The following APAF1 variants were observed in gnomAD, a reference collection of about 807,000 sequenced individuals.
APAF1 encodes apoptotic protease-activating factor 1.
A neutral mutation model predicts 152.4 loss-of-function variants in APAF1; 91 were observed. That is an observed-to-expected ratio of 0.60 (90% CI 0.50 to 0.71). The LOEUF is 0.71. APAF1 is among the 30% of genes least tolerant of loss of function. The pLI is 0.00. For missense variants in APAF1, 1,283 were observed against 1,472.0 expected (o/e 0.87, Z 2.10); for synonymous variants, 484 against 494.1 (o/e 0.98, Z 0.27).
intron 16 of APAF1, among the ~76,000 whole-genome samples, chr12:98,693,066 A>T (rs1405487755): frequency 1.8e-5 from 2 of 110,284 alleles, no homozygotes; most frequent in Non-Finnish European, 3.8e-5. Flanking sequence ...TTTTTTGACT[A>T]AAAAAAAAAA....
intron 12 of APAF1, among the ~76,000 whole-genome samples, chr12:98,672,258 G>A (rs545200054): frequency 1.1e-3 from 164 of 152,066 alleles, no homozygotes; most frequent in Non-Finnish European, 1.9e-3. Context: ...TCTGCCTCCC[G>A]GATTCAAACG....
At chr12:98,676,944 T>G (rs1363239284) in intron 12 of APAF1, among the ~76,000 whole-genome samples, 3 of 152,222 alleles carry the variant, frequency 2.0e-5, no homozygotes, top group African/African-American at 7.2e-5. Context: ...TGCGCCTGGC[T>G]GAGAAGAGCA....
chr12:98,712,429 C>T lies in APAF1; in HGVS notation c.2952C>T (p.Ala984=), dbSNP rs148854272. 3.5e-4 allele frequency: 546 copies of T among 1,566,434 alleles called. 1 individual carries two copies. In the African/African-American group the frequency reaches 6.7e-3, roughly 19 times the overall value. ...QYIAFGDENG[A]IEILELVNNR... ...TTGCATTTGGAGATGAAAATGGAGC[C>T]ATTGAGGTATTCAGTGCTAGTCTTC... The change falls in exon 21 of 27, where the codon GCC becomes GCT. Residue 984 remains alanine (A), a synonymous_variant. Coordinates refer to ENST00000551964, the MANE Select transcript of APAF1 (RefSeq NM_181861.2).
intron 7 of APAF1, 94 bp from the exon 8 acceptor site, chr12:98,665,459 A>C: frequency 1.1e-6 from 1 of 872,420 alleles, no homozygotes; most frequent in South Asian, 1.3e-5. Context: ...CATGCAGCAG[A>C]AATTGTTTCT....
rs143246247 is a variant in APAF1 at position 98,712,339 on chromosome 12, T to G, written c.2862T>G (p.Gly954=). The stretch of plus-strand genomic sequence containing the variant: ...ATTAGCTCATTAATGGAAGAACAGG[T>G]CAGATTGATTATCTGACTGAAGCTC... The part of the protein sequence containing the change: ...RRLQLINGRT[G]QIDYLTEAQV... Residue 954 remains glycine, a synonymous_variant, in exon 21 of 27, where the codon GGT becomes GGG. Coordinates refer to ENST00000551964, the MANE Select transcript of APAF1 (RefSeq NM_181861.2). The G allele has an allele frequency of 6.0e-5, 97 of 1,611,226 alleles. No homozygotes were observed. The highest frequency in any genetic ancestry group is 7.8e-5 in the Non-Finnish European group (92 of 1,177,616).
At chr12:98,721,290 C>G (rs1428204809) in intron 22 of APAF1, among the ~76,000 whole-genome samples, 2 of 152,192 alleles carry the variant, frequency 1.3e-5, no homozygotes, top group African/African-American at 4.8e-5. Context: ...TTTGTTATAT[C>G]TGCTCCAGAA....
chr12:98,690,613 A>G (rs1011628172), intron 16 of APAF1, among the ~76,000 whole-genome samples: 9 of 152,196 alleles, frequency 5.9e-5, no homozygotes, highest in Non-Finnish European at 1.0e-4. Context: ...AATGTTCAAG[A>G]AAGCTGTAAA....
At chr12:98,684,515 CT>C (rs1330303787) in intron 15 of APAF1, among the ~76,000 whole-genome samples, 13 of 147,508 alleles carry the variant, frequency 8.8e-5, no homozygotes, top group African/African-American at 1.3e-4. Flanking sequence ...CCCACCCCCC[CT>C]CTCATTCTCT....
chr12:98,668,060 AG>A (rs2153318486), intron 10 of APAF1, among the ~76,000 whole-genome samples: 1 of 152,312 alleles, frequency 6.6e-6, no homozygotes, highest in South Asian at 2.1e-4. Flanking sequence ...TTAGGAGTAC[AG>A]GCATGAGCCA....
intron 14 of APAF1, among the ~76,000 whole-genome samples, chr12:98,681,192 G>C (rs190985571): frequency 1.3e-5 from 2 of 152,210 alleles, no homozygotes; most frequent in African/African-American, 4.8e-5. Flanking sequence ...CTCTTGAGTA[G>C]CTGAGATCAC....
At chr12:98,656,035 G>A (rs1303134359) in intron 4 of APAF1, among the ~76,000 whole-genome samples, 1 of 151,888 alleles carries the variant, frequency 6.6e-6, no homozygotes, top group Non-Finnish European at 1.5e-5. Flanking sequence ...CGCCCACCTC[G>A]GCCTCCCAAA....
intron 22 of APAF1, among the ~76,000 whole-genome samples, chr12:98,721,765 T>A (rs1469495811): frequency 1.3e-5 from 2 of 152,168 alleles, no homozygotes; most frequent in Non-Finnish European, 2.9e-5. Context: ...AAGCCAGGGC[T>A]TGTTGGGGAG....
Position 98,708,403 on chromosome 12 carries a change from T to G in APAF1, c.2722-182T>G, listed in dbSNP as rs1231593018. Among the ~76,000 whole-genome samples the G allele has an allele frequency of 2.0e-5, 3 of 152,268 alleles. No homozygotes were observed. In the East Asian group the frequency reaches 5.8e-4, roughly 29 times the overall value. On this transcript the variant is annotated intron_variant, in intron 19 of 26. Coordinates refer to ENST00000551964, the MANE Select transcript of APAF1 (RefSeq NM_181861.2). The stretch of plus-strand genomic sequence containing the variant: ...ATTTTGGCTCTGGAGCCCATAACTC[T>G]TAATACTAACTGCATCTTACTATAG...
At chr12:98,663,117 T>A (rs2097667692) in intron 7 of APAF1, among the ~76,000 whole-genome samples, 1 of 152,222 alleles carries the variant, frequency 6.6e-6, no homozygotes. Context: ...AAACTTGTTT[T>A]TGCTTGGGAT....
At chr12:98,696,034 C>T (rs2097709498) in intron 16 of APAF1, among the ~76,000 whole-genome samples, 1 of 152,168 alleles carries the variant, frequency 6.6e-6, no homozygotes, top group Non-Finnish European at 1.5e-5. Context: ...TTTCCTTCGC[C>T]TTGTGGATTA....
At chr12:98,660,050 A>G (rs2097663034) in intron 5 of APAF1, among the ~76,000 whole-genome samples, 1 of 151,876 alleles carries the variant, frequency 6.6e-6, no homozygotes, top group East Asian at 1.9e-4. Context: ...GGCAACTGAT[A>G]AATGTCAGGA....
At chr12:98,732,244 T>G (rs753984114) in intron 26 of APAF1, among the ~76,000 whole-genome samples, 176 bp from the exon 27 acceptor site, 41 of 152,194 alleles carry the variant, frequency 2.7e-4, no homozygotes, top group Admixed American at 5.2e-4. Context: ...CCAGTGTTCA[T>G]CAGGAAGAGG....
chr12:98,733,331 C>A lies in APAF1; in HGVS notation c.*765C>A, dbSNP rs554013473. The stretch of plus-strand genomic sequence containing the variant: ...TATTTTTAGTAGAGACGGGGTTTCA[C>A]CATGTTGGCCGGGATGGTCTCGATC... On this transcript the variant is annotated 3_prime_UTR_variant, in exon 27 of 27. Coordinates refer to ENST00000551964, the MANE Select transcript of APAF1 (RefSeq NM_181861.2). The A allele has an allele frequency of 2.0e-5, 3 of 152,128 alleles. No homozygotes were observed. In the East Asian group the frequency reaches 5.8e-4, roughly 30 times the overall value. 9.4% of individuals were successfully genotyped at this position (152,128 alleles called of 1,614,324 possible).
intron 21 of APAF1, among the ~76,000 whole-genome samples, chr12:98,713,882 A>C (rs1002801162): frequency 6.6e-6 from 1 of 152,224 alleles, no homozygotes; most frequent in African/African-American, 2.4e-5. Context: ...GCATTTACAC[A>C]GTGATCTCAA....
Sources: gnomAD v4.1 joint callset for allele counts (sites outside exome capture counted in the v4.1 genomes callset) on GRCh38, gnomAD v4.1.1 for gene constraint, MANE v1.5 for transcripts, NCBI Gene and HGNC (gene_info 2026-07-23, HGNC 2026-07-21) for gene names.